The following CDC42SE2 variants were observed in gnomAD, a reference collection of about 807,000 sequenced individuals.
The protein encoded by CDC42SE2 is CDC42 small effector 2.
A neutral mutation model predicts 11.5 loss-of-function variants in CDC42SE2; 3 were observed. The observed-to-expected ratio is 0.26, with a 90% confidence interval of 0.12 to 0.67. The LOEUF (loss-of-function observed/expected upper bound fraction) is 0.67. Ranked by LOEUF, CDC42SE2 falls within the 30% of genes least tolerant of loss-of-function variation. CDC42SE2 has a pLI of 0.80. For synonymous variants in CDC42SE2, 33 were observed against 34.8 expected (o/e 0.95, Z 0.18); for missense variants, 82 against 106.8 (o/e 0.77, Z 1.02).
At chr5:131,370,052 T>A (rs967088373) in intron 3 of CDC42SE2, among the ~76,000 whole-genome samples, 4 of 152,208 alleles carry the variant, frequency 2.6e-5, no homozygotes, top group Non-Finnish European at 4.4e-5. Flanking sequence ...CTTAGTTTTT[T>A]AAAAGAGATG....
At chr5:131,299,858 T>C (rs1757645785) in intron 1 of CDC42SE2, among the ~76,000 whole-genome samples, 1 of 152,224 alleles carries the variant, frequency 6.6e-6, no homozygotes, top group African/African-American at 2.4e-5. Context: ...GAGCCTTTGG[T>C]ATTTTGACTG....
At chr5:131,287,986 A>G (rs1757375737) in intron 1 of CDC42SE2, among the ~76,000 whole-genome samples, 1 of 152,140 alleles carries the variant, frequency 6.6e-6, no homozygotes, top group South Asian at 2.1e-4. Flanking sequence ...GCTCACACCC[A>G]TAATCCCAGC....
At chr5:131,388,910 G>A (rs1247262248) in intron 4 of CDC42SE2, among the ~76,000 whole-genome samples, 1 of 152,086 alleles carries the variant, frequency 6.6e-6, no homozygotes, top group African/African-American at 2.4e-5. Context: ...AGTGCTTACT[G>A]CAGCCTTGAC....
intron 1 of CDC42SE2, among the ~76,000 whole-genome samples, chr5:131,312,191 G>A (rs1757934284): frequency 6.6e-6 from 1 of 151,652 alleles, no homozygotes; most frequent in African/African-American, 2.4e-5. Context: ...CGGTCTGTTG[G>A]AGTACCTTGC....
chr5:131,335,427 G>A (rs1402520368), intron 2 of CDC42SE2, among the ~76,000 whole-genome samples: 3 of 152,080 alleles, frequency 2.0e-5, no homozygotes, highest in African/African-American at 4.8e-5. Flanking sequence ...GTGGTGCTGA[G>A]AAGAATGTAT....
At chr5:131,306,595 AT>A (rs1757783097) in intron 1 of CDC42SE2, among the ~76,000 whole-genome samples, 1 of 152,098 alleles carries the variant, frequency 6.6e-6, no homozygotes, top group Non-Finnish European at 1.5e-5. Context: ...TTTTATATGA[AT>A]TTTAGGATTA....
intron 2 of CDC42SE2, among the ~76,000 whole-genome samples, chr5:131,257,767 C>T (rs1212408340): frequency 5.3e-5 from 8 of 152,070 alleles, no homozygotes; most frequent in African/African-American, 9.7e-5. Context: ...GGTAAGCCAC[C>T]GCGCTCGGCC....
intron 3 of CDC42SE2, among the ~76,000 whole-genome samples, chr5:131,377,883 T>C (rs531171523): frequency 6.6e-6 from 1 of 152,352 alleles, no homozygotes; most frequent in Non-Finnish European, 1.5e-5. Context: ...TTGAGAAATA[T>C]TTGGCGATAA....
rs142936863 is a variant in CDC42SE2 at position 131,298,205 on chromosome 5, C to T, written c.-454-17771C>T. On this transcript the variant is annotated intron_variant, in intron 1 of 4. Transcript: ENST00000505065. ...GCAACCTCTGCCTCCTGGGTTCAAG[C>T]GGTTCTCCTGCCTCAGCCTCCTGAG... Among the ~76,000 whole-genome samples, 1,110 of 151,648 alleles carry T rather than the reference C, an allele frequency of 7.3e-3. 15 individuals carry two copies. Among genetic ancestry groups the T allele is most frequent in the African/African-American group, 0.026 (1,062 of 41,314 alleles).
At chr5:131,291,508 C>T (rs1320799456) in intron 1 of CDC42SE2, among the ~76,000 whole-genome samples, 2 of 151,886 alleles carry the variant, frequency 1.3e-5, no homozygotes, top group South Asian at 4.2e-4. Context: ...TTTCTCCTTC[C>T]CTTGAACTCA....
At chr5:131,373,245 TAC>T (rs1750060948) in intron 3 of CDC42SE2, among the ~76,000 whole-genome samples, 1 of 151,990 alleles carries the variant, frequency 6.6e-6, no homozygotes, top group Non-Finnish European at 1.5e-5. Flanking sequence ...AGATAAAACC[TAC>T]AAAGAAAAAG....
At chr5:131,314,039 G>C (rs527497536) in intron 1 of CDC42SE2, among the ~76,000 whole-genome samples, 21 of 152,170 alleles carry the variant, frequency 1.4e-4, no homozygotes, top group Non-Finnish European at 2.6e-4. Context: ...TCTACAAAAA[G>C]GTCAGCTGGG....
intron 2 of CDC42SE2, among the ~76,000 whole-genome samples, chr5:131,329,602 G>A (rs534116541): frequency 7.9e-5 from 12 of 152,030 alleles, no homozygotes; most frequent in Non-Finnish European, 1.6e-4. Context: ...TTCCAGGCTG[G>A]GCGCGGTAGC....
At chr5:131,295,041 C>T (rs572670795) in intron 1 of CDC42SE2, among the ~76,000 whole-genome samples, 4 of 151,946 alleles carry the variant, frequency 2.6e-5, no homozygotes, top group East Asian at 3.9e-4. Context: ...GCAGGACAAT[C>T]GCTTGAACCT....
At chr5:131,306,127 C>T (rs1757772770) in intron 1 of CDC42SE2, among the ~76,000 whole-genome samples, 1 of 152,170 alleles carries the variant, frequency 6.6e-6, no homozygotes, top group Non-Finnish European at 1.5e-5. Flanking sequence ...AATTATGTGT[C>T]ATCCTGAGTA....
At chr5:131,296,487 C>T (rs1047399901) in intron 1 of CDC42SE2, among the ~76,000 whole-genome samples, 1 of 152,172 alleles carries the variant, frequency 6.6e-6, no homozygotes, top group Non-Finnish European at 1.5e-5. Context: ...TCTTGCTTTA[C>T]CTTAGCTTCA....
intron 3 of CDC42SE2, among the ~76,000 whole-genome samples, chr5:131,377,835 G>A (rs1003658091): frequency 1.3e-5 from 2 of 152,172 alleles, no homozygotes; most frequent in African/African-American, 4.8e-5. Flanking sequence ...ATTAGAATTG[G>A]CATTACATTG....
the CDC42SE2 span, among the ~76,000 whole-genome samples, chr5:131,232,920 A>G: frequency 2.5e-3 from 382 of 151,482 alleles, no homozygotes; most frequent in African/African-American, 8.5e-3. Context: ...TGTTTTGACT[A>G]GGCTGCACAC....
intron 3 of CDC42SE2, among the ~76,000 whole-genome samples, chr5:131,362,653 A>T (rs1749741606): frequency 6.6e-6 from 1 of 152,224 alleles, no homozygotes; most frequent in Non-Finnish European, 1.5e-5. Flanking sequence ...TTTTCTGAGT[A>T]TAGTAGAATA....
Sources: allele counts gnomAD v4.1 joint callset (sites outside exome capture counted in the v4.1 genomes callset), GRCh38; gene constraint gnomAD v4.1.1; transcripts MANE v1.5; gene names NCBI Gene and HGNC (gene_info 2026-07-23, HGNC 2026-07-21).